SLC35F1: variants seen among roughly 807,000 people sequenced by gnomAD.
SLC35F1 encodes solute carrier family 35 member F1.
Under a neutral mutation model 48.7 loss-of-function variants are expected in SLC35F1, and 14 were observed. The ratio of observed to expected loss-of-function variants is 0.29; its 90% confidence interval spans 0.19 to 0.45. The LOEUF is 0.45. Among genes scored for constraint, SLC35F1 ranks in the 20% least tolerant of loss-of-function variants. The pLI, the probability that SLC35F1 is intolerant of heterozygous loss-of-function variation, is 1.00. For synonymous variants in SLC35F1, 190 were observed against 202.2 expected (o/e 0.94, Z 0.51); for missense variants, 404 against 500.0 (o/e 0.81, Z 1.83).
intron 1 of SLC35F1, among the ~76,000 whole-genome samples, chr6:118,051,272 A>C (rs879496646): frequency 6.6e-6 from 1 of 152,160 alleles, no homozygotes; most frequent in Non-Finnish European, 1.5e-5. Flanking sequence ...CCAAAAAAGA[A>C]GCTCAAAGTG....
At chr6:117,997,979 C>T (rs1240977401) in intron 1 of SLC35F1, among the ~76,000 whole-genome samples, 1 of 149,970 alleles carries the variant, frequency 6.7e-6, no homozygotes. Flanking sequence ...CACAGACTGG[C>T]AAATTGGATA....
At chr6:118,022,836 C>G (rs1028136127) in intron 1 of SLC35F1, among the ~76,000 whole-genome samples, 1 of 151,400 alleles carries the variant, frequency 6.6e-6, no homozygotes, top group South Asian at 2.1e-4. Context: ...CTGCAAGCTC[C>G]GCCTCCTGGG....
At chr6:118,017,715 T>G (rs113282639) in intron 1 of SLC35F1, among the ~76,000 whole-genome samples, 116 of 152,330 alleles carry the variant, frequency 7.6e-4, no homozygotes, top group African/African-American at 2.7e-3. Context: ...TGCTCTAAGT[T>G]AAGTTCCCTT....
At chr6:118,202,426 G>A (rs899536530) in intron 2 of SLC35F1, among the ~76,000 whole-genome samples, 4 of 152,158 alleles carry the variant, frequency 2.6e-5, no homozygotes, top group African/African-American at 9.7e-5. Context: ...GAACCCAGGA[G>A]TTTGAGGCTG....
chr6:118,044,721 A>G (rs1313114798), intron 1 of SLC35F1, among the ~76,000 whole-genome samples: 2 of 152,052 alleles, frequency 1.3e-5, no homozygotes, highest in Non-Finnish European at 2.9e-5. Flanking sequence ...GACATAGTCT[A>G]TAGCTGCACC....
intron 4 of SLC35F1, among the ~76,000 whole-genome samples, chr6:118,274,008 C>T (rs1487596320): frequency 1.3e-5 from 2 of 152,092 alleles, no homozygotes; most frequent in South Asian, 2.1e-4. Flanking sequence ...TCTTTGATGC[C>T]CAGATTCTTT....
rs1775819001 is a variant in SLC35F1 at position 117,915,806 on chromosome 6, T to C, written c.173+7907T>C. ...GAAGGAAAAGACCAGAGTTTGGGGA[T>C]CAGTTAGGAGGCTACTGCAGTCATT... is the stretch of plus-strand genomic sequence containing the variant. On this transcript the variant is annotated intron_variant, in intron 1 of 7. Transcript: ENST00000360388. Among the ~76,000 whole-genome samples, 3 of 152,122 alleles carry C rather than the reference T, an allele frequency of 2.0e-5. No individual in the cohort carries two copies. In the South Asian group the frequency reaches 6.2e-4, roughly 32 times the overall value.
chr6:118,226,609 A>G (rs1775222113), intron 2 of SLC35F1, among the ~76,000 whole-genome samples: 1 of 152,200 alleles, frequency 6.6e-6, no homozygotes, highest in African/African-American at 2.4e-5. Context: ...CCAAGCATAG[A>G]AAGACAAATA....
chr6:118,314,595 G>T lies in SLC35F1; in HGVS notation c.*343G>T. The T allele has an allele frequency of 3.6e-6, 1 of 274,000 alleles. No homozygotes were observed. Among genetic ancestry groups the T allele is most frequent in the Non-Finnish European group, 7.1e-6 (1 of 140,554 alleles). The allele number at this position is 274,000 out of a possible 1,614,324, so 17.0% of individuals were successfully genotyped here. ...CTGTTATTACACCAACTTTCAGGAG[G>T]ATGTTTTGTACTCCTGATGGAAACT... On this transcript the variant is annotated 3_prime_UTR_variant, in exon 8 of 8. Transcript: ENST00000360388.
At chr6:118,029,146 C>T (rs905198516) in intron 1 of SLC35F1, among the ~76,000 whole-genome samples, 2 of 151,984 alleles carry the variant, frequency 1.3e-5, no homozygotes, top group African/African-American at 4.8e-5. Flanking sequence ...GGAAGGACCT[C>T]ATTATCCTCT....
chr6:118,085,458 A>ATAGTT (rs983453325), intron 1 of SLC35F1, among the ~76,000 whole-genome samples: 5 of 108,190 alleles, frequency 4.6e-5, no homozygotes, highest in African/African-American at 1.8e-4. Flanking sequence ...CATCCAGCCT[A>ATAGTT]TAGTTTTCTC....
intron 7 of SLC35F1, among the ~76,000 whole-genome samples, chr6:118,291,262 C>T (rs1463460464): frequency 1.1e-4 from 17 of 151,554 alleles, no homozygotes; most frequent in Middle Eastern, 3.4e-3. Context: ...CACACACACA[C>T]ACACACACAC....
At chr6:118,182,430 T>C (rs1021011736) in intron 2 of SLC35F1, among the ~76,000 whole-genome samples, 5 of 150,200 alleles carry the variant, frequency 3.3e-5, no homozygotes, top group Non-Finnish European at 5.9e-5. Flanking sequence ...CAATTGAGGT[T>C]GCAGTGACCT....
chr6:117,922,498 T>C (rs1473679517), intron 1 of SLC35F1, among the ~76,000 whole-genome samples: 1 of 152,254 alleles, frequency 6.6e-6, no homozygotes, highest in Admixed American at 6.5e-5. Flanking sequence ...CTCTCAAGTA[T>C]ACATATATTT....
intron 2 of SLC35F1, among the ~76,000 whole-genome samples, chr6:118,178,371 G>T (rs1480053184): frequency 6.6e-6 from 1 of 151,932 alleles, no homozygotes; most frequent in Non-Finnish European, 1.5e-5. Flanking sequence ...TTTTGAAAGA[G>T]TTTTCATATC....
chr6:117,927,595 C>A (rs1300143884), intron 1 of SLC35F1, among the ~76,000 whole-genome samples: 1 of 152,190 alleles, frequency 6.6e-6, no homozygotes, highest in East Asian at 1.9e-4. Flanking sequence ...TCTGCAGAGA[C>A]ACACCTGGAA....
At chr6:118,283,946 TG>T (rs779855245) in intron 6 of SLC35F1, among the ~76,000 whole-genome samples, 6 of 152,210 alleles carry the variant, frequency 3.9e-5, no homozygotes, top group Non-Finnish European at 5.9e-5. Context: ...GGAAAGTGGT[TG>T]TTCCCCCTTC....
At chr6:118,070,259 T>C (rs560398651) in intron 1 of SLC35F1, among the ~76,000 whole-genome samples, 2 of 152,202 alleles carry the variant, frequency 1.3e-5, no homozygotes, top group Non-Finnish European at 2.9e-5. Flanking sequence ...GCTTCTCTCT[T>C]TTACCTTCAG....
At chr6:118,310,505 CT>C (rs933220554) in intron 7 of SLC35F1, among the ~76,000 whole-genome samples, 5 of 151,894 alleles carry the variant, frequency 3.3e-5, no homozygotes, top group Non-Finnish European at 5.9e-5. Flanking sequence ...AAAAATAAAA[CT>C]TTTTTTACTT....
Sources: allele counts gnomAD v4.1 joint callset (sites outside exome capture counted in the v4.1 genomes callset), GRCh38; gene constraint gnomAD v4.1.1; transcripts MANE v1.5; gene names NCBI Gene and HGNC (gene_info 2026-07-23, HGNC 2026-07-21).